Variants in TOPAZ1 observed in about 807,000 individuals in gnomAD.
TOPAZ1 encodes protein TOPAZ1.
In TOPAZ1, 66 loss-of-function variants were observed where a neutral mutation model predicts 172.2. The ratio of observed to expected loss-of-function variants is 0.38; its 90% confidence interval spans 0.31 to 0.47. The LOEUF (loss-of-function observed/expected upper bound fraction) is 0.47. Among genes scored for constraint, TOPAZ1 ranks in the 20% least tolerant of loss-of-function variants. The pLI is 0.99. For missense variants in TOPAZ1, 1,822 were observed against 1,972.4 expected (o/e 0.92, Z 1.44); for synonymous variants, 681 against 683.9 (o/e 1.00, Z 0.07).
Position 44,243,686 on chromosome 3 carries a change from C to A in TOPAZ1, c.1180C>A (p.His394Asn). ...VSHNTVSLMD[H>N]LLSVPETVEK... ...CCATAATACAGTCTCTTTGATGGATCATTTATTAAGTGTCCCAGAAACAGT... is the reference window on the plus strand; with the variant it reads ...CCATAATACAGTCTCTTTGATGGATAATTTATTAAGTGTCCCAGAAACAGT... The change falls in exon 2 of 20, where the codon CAT becomes AAT. Residue 394 changes from histidine to asparagine, a missense_variant. Around this residue, in one of 2 missense-constraint regions of TOPAZ1, gnomAD observed 1,489 missense variants for 1,490.8 expected, o/e 1.00. Coordinates refer to ENST00000309765, the MANE Select transcript of TOPAZ1 (RefSeq NM_001145030.2). 1 of 1,550,134 alleles carries A rather than the reference C, an allele frequency of 6.5e-7. No homozygotes were observed. Among genetic ancestry groups the A allele is most frequent in the Non-Finnish European group, 8.7e-7 (1 of 1,146,850 alleles).
At chr3:44,253,016 T>C (rs1025240713) in intron 2 of TOPAZ1, among the ~76,000 whole-genome samples, 2 of 152,168 alleles carry the variant, frequency 1.3e-5, no homozygotes, top group African/African-American at 4.8e-5. Flanking sequence ...AATTAGCTAA[T>C]TGTTGAGGAA....
intron 8 of TOPAZ1, among the ~76,000 whole-genome samples, chr3:44,279,654 G>A (rs1700000867): frequency 6.6e-6 from 1 of 151,820 alleles, no homozygotes; most frequent in Admixed American, 6.6e-5. Context: ...GCTTTTGTTT[G>A]CATGGAATAT....
chr3:44,313,823 A>G (rs1479571578), intron 16 of TOPAZ1, among the ~76,000 whole-genome samples: 1 of 152,146 alleles, frequency 6.6e-6, no homozygotes, highest in East Asian at 1.9e-4. Context: ...ACCCTAATCT[A>G]GCTATTCAGT....
chr3:44,314,405 C>T (rs1700429695), intron 16 of TOPAZ1, among the ~76,000 whole-genome samples: 1 of 152,078 alleles, frequency 6.6e-6, no homozygotes, highest in African/African-American at 2.4e-5. Context: ...TTATTTGTGT[C>T]ATCTCATCTA....
At position 44,244,860 on chromosome 3, in the gene TOPAZ1, A is replaced by G. The variant is rs1183270274; in HGVS notation, c.2354A>G (p.His785Arg). 7.7e-6 allele frequency: 12 copies of G among 1,551,704 alleles called. No homozygotes were observed. In the Admixed American group the frequency reaches 9.8e-5, roughly 13 times the overall value. Residue 785 changes from histidine (H) to arginine (R), a missense_variant, in exon 2 of 20, where the codon CAC (histidine) becomes CGC (arginine). Coordinates refer to ENST00000309765, the MANE Select transcript of TOPAZ1 (RefSeq NM_001145030.2). ...KQGNNSKPSNHVSEPGNIVSN... is the reference protein window; with the variant it reads ...KQGNNSKPSNRVSEPGNIVSN... ...GGTAACAATAGCAAACCATCTAATCACGTCTCTGAACCAGGCAATATTGTT... is the reference window on the plus strand; with the variant it reads ...GGTAACAATAGCAAACCATCTAATCGCGTCTCTGAACCAGGCAATATTGTT...
At chr3:44,281,540 A>G (rs1700023680) in intron 8 of TOPAZ1, among the ~76,000 whole-genome samples, 1 of 152,226 alleles carries the variant, frequency 6.6e-6, no homozygotes, top group Non-Finnish European at 1.5e-5. Flanking sequence ...CAAATCAGCT[A>G]GAATTGATTT....
chr3:44,275,048 A>G (rs1449249755), intron 8 of TOPAZ1, among the ~76,000 whole-genome samples: 2 of 151,920 alleles, frequency 1.3e-5, no homozygotes, highest in African/African-American at 4.8e-5. Flanking sequence ...CATAAAATTT[A>G]TTATTATACA....
rs1401277998 is a variant in TOPAZ1, at chr3:44,262,729, A to G, written c.3020+246A>G. On this transcript the variant is annotated intron_variant, in intron 5 of 19. Transcript: ENST00000309765. ...TTGAGGAAAGATAAGGAGTAGTGAT[A>G]AAAAGAAAAAATGATGTATGTTTGA... 3.9e-5 allele frequency among the ~76,000 whole-genome samples: 6 copies of G among 152,180 alleles called. No individual in the cohort carries two copies. The East Asian group carries it at 1.2e-3, about 29-fold the overall frequency.
In TOPAZ1 at chr3:44,304,975, A is replaced by G. The variant is rs1423452558; in HGVS notation, c.3865-172A>G. 1.6e-4 allele frequency among the ~76,000 whole-genome samples: 25 copies of G among 152,204 alleles called. 1 individual carries two copies. The highest frequency in any genetic ancestry group is 1.6e-3 in the Admixed American group (25 of 15,280). Reference sequence around the variant, plus strand: ...ATAGCCAGAAAAGCAAAGTTACAATAGTGTGTTGTTGATGTGATACTTGTT... The same window carrying G: ...ATAGCCAGAAAAGCAAAGTTACAATGGTGTGTTGTTGATGTGATACTTGTT... On this transcript the variant is annotated intron_variant, in intron 13 of 19. Transcript: ENST00000309765.
chr3:44,289,618 A>G (rs1219592029), intron 11 of TOPAZ1, among the ~76,000 whole-genome samples: 1 of 152,208 alleles, frequency 6.6e-6, no homozygotes, highest in Admixed American at 6.5e-5. Flanking sequence ...AAGGTGGGGA[A>G]AATCTCTCAG....
chr3:44,271,525 T>G (rs1390315774), intron 8 of TOPAZ1, among the ~76,000 whole-genome samples: 4 of 152,190 alleles, frequency 2.6e-5, no homozygotes, highest in Admixed American at 1.3e-4. Flanking sequence ...TACAAGTTCT[T>G]GGTTGTATGT....
chr3:44,242,770 C>T, intron 1 of TOPAZ1, 83 bp from the exon 2 acceptor site: 1 of 1,117,084 alleles, frequency 9.0e-7, no homozygotes, highest in Non-Finnish European at 1.2e-6. Flanking sequence ...AAATGATAGC[C>T]TCACAATTTT....
intron 9 of TOPAZ1, among the ~76,000 whole-genome samples, chr3:44,282,715 C>G (rs1392670852): frequency 1.3e-5 from 2 of 152,062 alleles, no homozygotes; most frequent in African/African-American, 4.8e-5. Context: ...ACCAAAGCCA[C>G]ATAGTAGATG....
chr3:44,316,250 A>T (rs535842992), intron 16 of TOPAZ1, among the ~76,000 whole-genome samples: 92 of 152,310 alleles, frequency 6.0e-4, no homozygotes, highest in African/African-American at 1.5e-3. Flanking sequence ...TGTCTCAAAA[A>T]AAATAAATAA....
At chr3:44,264,339 ATT>A (rs59501760) in intron 5 of TOPAZ1, among the ~76,000 whole-genome samples, 5 of 151,768 alleles carry the variant, frequency 3.3e-5, no homozygotes, top group African/African-American at 9.7e-5. Context: ...AGTCATATGA[ATT>A]TTTTTGTTTC....
Position 44,243,358 on chromosome 3 carries a change from A to G in TOPAZ1, c.852A>G (p.Glu284=). Residue 284 remains glutamate (E), a synonymous_variant, in exon 2 of 20, where the codon GAA becomes GAG. Transcript: ENST00000309765. ...TNSIPQLLQT[E]ENVMGVNKLL... ...GTATTCCTCAGCTCTTACAAACAGA[A>G]GAAAATGTAATGGGAGTAAATAAGT... The G allele has an allele frequency of 6.4e-7, 1 of 1,551,098 alleles. No individual in the cohort carries two copies. The highest frequency in any genetic ancestry group is 8.7e-7 in the Non-Finnish European group (1 of 1,146,830).
At chr3:44,290,927 C>A in intron 12 of TOPAZ1, 41 bp downstream of exon 12, 1 of 1,297,440 alleles carries the variant, frequency 7.7e-7, no homozygotes, top group Non-Finnish European at 1.1e-6. Flanking sequence ...ATATATGTGT[C>A]TTGGTGGGGA....
At chr3:44,281,110 C>T (rs1463690277) in intron 8 of TOPAZ1, among the ~76,000 whole-genome samples, 7 of 152,220 alleles carry the variant, frequency 4.6e-5, no homozygotes, top group Non-Finnish European at 7.3e-5. Context: ...CTCTCATTTA[C>T]ACTTTCCCTG....
At chr3:44,300,867 A>C (rs1016481010) in intron 12 of TOPAZ1, among the ~76,000 whole-genome samples, 11 of 152,040 alleles carry the variant, frequency 7.2e-5, no homozygotes, top group African/African-American at 2.4e-4. Flanking sequence ...AAAAAAAAAA[A>C]CTCAGATACC....
Sources: gnomAD v4.1 joint callset for allele counts (sites outside exome capture counted in the v4.1 genomes callset) on GRCh38, gnomAD v4.1.1 for gene constraint, gnomAD v4.1.1 regional missense constraint, MANE v1.5 for transcripts, NCBI Gene and HGNC (gene_info 2026-07-23, HGNC 2026-07-21) for gene names.